Variants in CADPS2 observed in about 807,000 individuals in gnomAD.
CADPS2 encodes calcium dependent secretion activator 2.
A neutral mutation model predicts 172.5 loss-of-function variants in CADPS2; 93 were observed. The observed-to-expected ratio is 0.54, with a 90% CI of 0.46 to 0.64. CADPS2 has a LOEUF of 0.64. Among genes scored for constraint, CADPS2 ranks in the 30% least tolerant of loss-of-function variants. The probability of loss-of-function intolerance (pLI) is 0.00; values close to 1 mark genes in which losing one functional copy is unlikely to be tolerated. For synonymous variants in CADPS2, 546 were observed against 555.2 expected (o/e 0.98, Z 0.23); for missense variants, 1,420 against 1,565.9 (o/e 0.91, Z 1.57).
chr7:122,587,594 G>A (rs1490114346), intron 6 of CADPS2, among the ~76,000 whole-genome samples: 1 of 152,044 alleles, frequency 6.6e-6, no homozygotes, highest in African/African-American at 2.4e-5. Context: ...ATGTATCTTT[G>A]CAACAGAATG....
chr7:122,468,894 T>G (rs889605052), intron 14 of CADPS2, among the ~76,000 whole-genome samples: 1 of 152,192 alleles, frequency 6.6e-6, no homozygotes, highest in Non-Finnish European at 1.5e-5. Flanking sequence ...TATTTCTTCC[T>G]TTCTTTTTCT....
intron 1 of CADPS2, among the ~76,000 whole-genome samples, chr7:122,799,812 TAGAG>T (rs948752586): frequency 2.0e-5 from 3 of 152,114 alleles, no homozygotes; most frequent in Non-Finnish European, 2.9e-5. Context: ...CTTTCTATCA[TAGAG>T]AGTTTGTTCA....
chr7:122,779,339 A>AT (rs1440129466), intron 1 of CADPS2, among the ~76,000 whole-genome samples: 1 of 152,090 alleles, frequency 6.6e-6, no homozygotes, highest in Non-Finnish European at 1.5e-5. Context: ...TACTGGTCTC[A>AT]TTTTGGATCA....
intron 17 of CADPS2, among the ~76,000 whole-genome samples, chr7:122,433,074 C>T (rs930156783): frequency 8.5e-5 from 13 of 152,194 alleles, no homozygotes; most frequent in East Asian, 1.9e-4. Context: ...CCTAAGTTCA[C>T]GCAGTCCTCC....
chr7:122,336,422 C>T (rs571650964), intron 28 of CADPS2, among the ~76,000 whole-genome samples: 1 of 152,180 alleles, frequency 6.6e-6, no homozygotes, highest in Non-Finnish European at 1.5e-5. Flanking sequence ...GATAGAAATG[C>T]TGGTCTCAGG....
intron 1 of CADPS2, among the ~76,000 whole-genome samples, chr7:122,873,507 T>C (rs1820375162): frequency 6.6e-6 from 1 of 152,222 alleles, no homozygotes; most frequent in Non-Finnish European, 1.5e-5. Flanking sequence ...AACTCATCCT[T>C]TGTTATGGCT....
intron 3 of CADPS2, among the ~76,000 whole-genome samples, chr7:122,647,825 G>A (rs1051139531): frequency 2.0e-5 from 3 of 152,120 alleles, no homozygotes; most frequent in East Asian, 1.9e-4. Context: ...CTAATGCTAT[G>A]AGCCTGACAT....
intron 1 of CADPS2, among the ~76,000 whole-genome samples, chr7:122,869,954 G>A (rs1770263823): frequency 6.6e-6 from 1 of 151,962 alleles, no homozygotes; most frequent in Non-Finnish European, 1.5e-5. Flanking sequence ...AAAACCCTTA[G>A]TAGATACACA....
intron 7 of CADPS2, among the ~76,000 whole-genome samples, chr7:122,580,184 G>A (rs1034604675): frequency 3.3e-5 from 5 of 152,094 alleles, no homozygotes; most frequent in Non-Finnish European, 5.9e-5. Flanking sequence ...GCGGGTGTTG[G>A]TGGCTTATGC....
chr7:122,408,207 T>C (rs2046892896), intron 19 of CADPS2, among the ~76,000 whole-genome samples: 1 of 152,058 alleles, frequency 6.6e-6, no homozygotes, highest in African/African-American at 2.4e-5. Flanking sequence ...AATTACCCTA[T>C]TAAAATGGCT....
At chr7:122,368,042 G>C (rs929593446) in intron 25 of CADPS2, 4 of 151,986 alleles carry the variant, frequency 2.6e-5, no homozygotes, top group Admixed American at 6.6e-5. Context: ...ATTACATTGG[G>C]CTCACCTGAA....
intron 12 of CADPS2, among the ~76,000 whole-genome samples, chr7:122,475,853 G>A (rs897443512): frequency 2.6e-5 from 4 of 152,270 alleles, no homozygotes; most frequent in East Asian, 1.9e-4. Flanking sequence ...GTTATAATCC[G>A]TGGAGAAAGT....
intron 17 of CADPS2, among the ~76,000 whole-genome samples, chr7:122,437,731 C>T (rs2151940447): frequency 6.6e-6 from 1 of 151,724 alleles, no homozygotes; most frequent in African/African-American, 2.4e-5. Context: ...GATTTTGTGA[C>T]TTTGCCACAA....
chr7:122,601,163 T>C (rs1185373401), intron 6 of CADPS2, among the ~76,000 whole-genome samples: 2 of 152,094 alleles, frequency 1.3e-5, no homozygotes, highest in Admixed American at 1.3e-4. Context: ...CTCTACCATT[T>C]TGGCAGAACT....
At chr7:122,374,399 G>GT (rs1310392528) in intron 25 of CADPS2, among the ~76,000 whole-genome samples, 4 of 151,444 alleles carry the variant, frequency 2.6e-5, no homozygotes, top group Non-Finnish European at 4.4e-5. Flanking sequence ...CCTAGCCAAA[G>GT]TAAGTAGACA....
At chr7:122,601,568 A>G in intron 6 of CADPS2, among the ~76,000 whole-genome samples, 1 of 152,058 alleles carries the variant, frequency 6.6e-6, no homozygotes, top group South Asian at 2.1e-4. Flanking sequence ...AAAATAAATT[A>G]AAAATAGGAT....
At chr7:122,395,233 G>A (rs531702710) in intron 20 of CADPS2, among the ~76,000 whole-genome samples, 1 of 152,208 alleles carries the variant, frequency 6.6e-6, no homozygotes, top group Admixed American at 6.5e-5. Flanking sequence ...CTCTGAGGCT[G>A]GACAACTACA....
intron 1 of CADPS2, among the ~76,000 whole-genome samples, chr7:122,793,043 G>C (rs1348068858): frequency 6.6e-6 from 1 of 152,076 alleles, no homozygotes; most frequent in Non-Finnish European, 1.5e-5. Flanking sequence ...TGCACTAAAA[G>C]CCTTTCTAAA....
intron 25 of CADPS2, chr7:122,368,225 T>G (rs1319790663): frequency 2.0e-5 from 3 of 152,292 alleles, no homozygotes; most frequent in African/African-American, 4.8e-5. Context: ...TTCATCTACC[T>G]GACTTAGAGT....
Sources: gnomAD v4.1 joint callset for allele counts (sites outside exome capture counted in the v4.1 genomes callset) on GRCh38, gnomAD v4.1.1 for gene constraint, MANE v1.5 for transcripts, NCBI Gene and HGNC (gene_info 2026-07-23, HGNC 2026-07-21) for gene names.